Variants in CLVS1 observed in about 807,000 individuals in gnomAD.
CLVS1 encodes the protein clavesin 1.
In CLVS1, 10 loss-of-function variants were observed where a neutral mutation model predicts 33.1. The ratio of observed to expected loss-of-function variants is 0.30; its 90% confidence interval spans 0.19 to 0.51. CLVS1 has a LOEUF of 0.51. Ranked by LOEUF, CLVS1 falls within the 20% of genes least tolerant of loss-of-function variation. CLVS1 has a pLI of 0.97. For missense variants in CLVS1, 343 were observed against 433.4 expected (o/e 0.79, Z 1.85); for synonymous variants, 163 against 166.1 (o/e 0.98, Z 0.14).
intron 5 of CLVS1, among the ~76,000 whole-genome samples, chr8:61,490,671 AAGT>A (rs1294146363): frequency 3.3e-5 from 5 of 149,654 alleles, no homozygotes. Context: ...AAAAAAAAAA[AAGT>A]AGGTAAATCG....
intron 3 of CLVS1, among the ~76,000 whole-genome samples, chr8:61,418,886 GGAGGCTGCATCAGTGCCAACAATGT>G (rs1448193242): frequency 6.6e-5 from 10 of 152,196 alleles, no homozygotes; most frequent in Non-Finnish European, 4.4e-5. Flanking sequence ...TGCCCTGGAT[GGAGGCTGCATCAGTGCCAACAATGT>G]GAGGACCCAG....
chr8:61,069,971 T>G (rs1357030919), intron 1 of CLVS1, among the ~76,000 whole-genome samples: 3 of 152,092 alleles, frequency 2.0e-5, no homozygotes, highest in African/African-American at 7.2e-5. Context: ...TTTTGTATTT[T>G]TAGTAGAGAC....
At chr8:61,066,747 T>A (rs1005930938) in intron 1 of CLVS1, among the ~76,000 whole-genome samples, 2 of 152,230 alleles carry the variant, frequency 1.3e-5, no homozygotes, top group Non-Finnish European at 2.9e-5. Context: ...CAATTCATGC[T>A]TTTTAAAAAT....
intron 2 of CLVS1, among the ~76,000 whole-genome samples, chr8:61,240,894 G>GTTTTTTTTTTTTTTTTTTTTTTT (rs549955338): frequency 1.5e-5 from 2 of 130,608 alleles, no homozygotes; most frequent in African/African-American, 6.3e-5. Flanking sequence ...TTTGCTGTAG[G>GTTTTTTTTTTTTTTTTTTTTTTT]TTTTTTTTTT....
chr8:60,998,411 C>T, the CLVS1 span, among the ~76,000 whole-genome samples: 1 of 152,056 alleles, frequency 6.6e-6, no homozygotes, highest in African/African-American at 2.4e-5. Context: ...ACTTAAGTTT[C>T]ATATGAAGTG....
the CLVS1 span, among the ~76,000 whole-genome samples, chr8:61,045,644 A>C: frequency 6.6e-6 from 1 of 152,208 alleles, no homozygotes; most frequent in Non-Finnish European, 1.5e-5. Flanking sequence ...CGTAGAAAAC[A>C]TGGTTCCAGG....
rs369482948 is a variant in CLVS1 at position 61,454,262 on chromosome 8, C to G, written c.741+11C>G. 2.6e-6 allele frequency: 4 copies of G among 1,566,062 alleles called. No individual in the cohort carries two copies. Among genetic ancestry groups the G allele is most frequent in the South Asian group, 1.1e-5 (1 of 90,076 alleles). ...AAGACCAGGAAACGGGTAATGAAAA[C>G]AAATGCATCATGTAAATTCCTGGTA... On this transcript the variant is annotated intron_variant, in intron 4 of 5. Transcript: ENST00000325897.
chr8:61,298,597 G>A (rs1810304854), intron 1 of CLVS1, among the ~76,000 whole-genome samples: 1 of 152,042 alleles, frequency 6.6e-6, no homozygotes, highest in Admixed American at 6.6e-5. Context: ...GATTAGATTG[G>A]GAGTAAATAT....
At chr8:61,426,205 A>T (rs1445857381) in intron 3 of CLVS1, among the ~76,000 whole-genome samples, 1 of 152,186 alleles carries the variant, frequency 6.6e-6, no homozygotes, top group African/African-American at 2.4e-5. Context: ...TGTGCCTTCC[A>T]CTGGGTGGTC....
intron 3 of CLVS1, among the ~76,000 whole-genome samples, chr8:61,423,998 C>T (rs768291492): frequency 2.0e-5 from 3 of 152,180 alleles, no homozygotes; most frequent in Admixed American, 1.3e-4. Context: ...GGCTTCAGAA[C>T]ACAATTTATA....
chr8:61,047,748 C>A, the CLVS1 span, among the ~76,000 whole-genome samples: 1 of 152,040 alleles, frequency 6.6e-6, no homozygotes, highest in Non-Finnish European at 1.5e-5. Flanking sequence ...ACAATGAGAA[C>A]ACATGGACAC....
chr8:61,320,742 T>G (rs966459378), intron 2 of CLVS1, among the ~76,000 whole-genome samples: 5 of 152,200 alleles, frequency 3.3e-5, no homozygotes, highest in Non-Finnish European at 7.3e-5. Context: ...GGGCACTGAT[T>G]GCTCTAGAGC....
chr8:60,968,105 G>A, the CLVS1 span, among the ~76,000 whole-genome samples: 2 of 152,130 alleles, frequency 1.3e-5, no homozygotes, highest in African/African-American at 4.8e-5. Context: ...GAATTGTTAC[G>A]TATTTTTTTG....
intron 3 of CLVS1, among the ~76,000 whole-genome samples, chr8:61,448,505 T>C (rs1271717008): frequency 6.6e-6 from 1 of 152,154 alleles, no homozygotes; most frequent in African/African-American, 2.4e-5. Context: ...TGATTCTTTC[T>C]TCTGTCACTT....
chr8:61,021,387 G>A, the CLVS1 span, among the ~76,000 whole-genome samples: 1 of 152,126 alleles, frequency 6.6e-6, no homozygotes. Flanking sequence ...GTCCCGCCCT[G>A]TCGCCCAGGC....
intron 2 of CLVS1, among the ~76,000 whole-genome samples, chr8:61,357,401 A>T (rs1812761224): frequency 6.6e-6 from 1 of 151,854 alleles, no homozygotes; most frequent in Non-Finnish European, 1.5e-5. Flanking sequence ...ACAATTGTTG[A>T]ATCAAATGGT....
At chr8:61,032,799 C>G in the CLVS1 span, among the ~76,000 whole-genome samples, 1 of 151,832 alleles carries the variant, frequency 6.6e-6, no homozygotes, top group African/African-American at 2.4e-5. Context: ...GGTAGAGTTG[C>G]AATGAAGCTG....
At chr8:61,436,142 C>G (rs1471040877) in intron 3 of CLVS1, among the ~76,000 whole-genome samples, 1 of 152,166 alleles carries the variant, frequency 6.6e-6, no homozygotes, top group Non-Finnish European at 1.5e-5. Context: ...CTTCCTTATT[C>G]AAGGACCTCA....
chr8:61,427,042 C>G (rs1815922665), intron 3 of CLVS1, among the ~76,000 whole-genome samples: 1 of 152,192 alleles, frequency 6.6e-6, no homozygotes, highest in Non-Finnish European at 1.5e-5. Context: ...TCCAAATACA[C>G]TTCAAGTACC....
Sources: allele counts gnomAD v4.1 joint callset (sites outside exome capture counted in the v4.1 genomes callset), GRCh38; gene constraint gnomAD v4.1.1; transcripts MANE v1.5; gene names NCBI Gene and HGNC (gene_info 2026-07-23, HGNC 2026-07-21).